Variants in YARS1 observed in about 807,000 individuals in gnomAD.
YARS1 encodes the protein tyrosyl-tRNA synthetase 1.
YARS1 carries 36 observed loss-of-function variants against 62.2 expected under a neutral mutation model. The ratio of observed to expected loss-of-function variants is 0.58; its 90% CI spans 0.44 to 0.76. YARS1 has a LOEUF of 0.76. YARS1 is among the 30% of genes least tolerant of loss of function. The pLI, the probability that YARS1 is intolerant of heterozygous loss-of-function variation, is 0.00. For synonymous variants in YARS1, 234 were observed against 244.9 expected (o/e 0.96, Z 0.42); for missense variants, 524 against 639.8 (o/e 0.82, Z 1.95).
Position 32,775,589 on chromosome 1 carries a change from A to G in YARS1, c.*392T>C, listed in dbSNP as rs1652827916. On this transcript the variant is annotated 3_prime_UTR_variant, in exon 13 of 13. Coordinates refer to ENST00000373477, the MANE Select transcript of YARS1 (RefSeq NM_003680.4). ...GGAGAAGCTGTAATTAGCCTAGTCCAGGTACCAGATCCCAGCTAGGGGCGC... is the reference window on the plus strand; with the variant it reads ...GGAGAAGCTGTAATTAGCCTAGTCCGGGTACCAGATCCCAGCTAGGGGCGC... 1 of 224,540 alleles carries G rather than the reference A, an allele frequency of 4.5e-6. No homozygotes were observed. The highest frequency in any genetic ancestry group is 9.0e-6 in the Non-Finnish European group (1 of 110,838). The allele number at this position is 224,540 out of a possible 1,614,324, so 13.9% of individuals were successfully genotyped here.
rs760323664 is a variant in YARS1, at chr1:32,791,189, T to C, written c.657A>G (p.Thr219=). Residue 219 remains threonine (T), a synonymous_variant, in exon 6 of 13, where the codon ACA becomes ACG. Coordinates refer to ENST00000373477, the MANE Select transcript of YARS1 (RefSeq NM_003680.4). ...HLMNPMVPGL[T]GSKMSSSEEE... ...CTTCTGAAGAGCTCATTTTGCTGCCTGTTAATCCTGGAACCATAGGATTCA... is the reference window on the plus strand; with the variant it reads ...CTTCTGAAGAGCTCATTTTGCTGCCCGTTAATCCTGGAACCATAGGATTCA... 6.2e-6 allele frequency: 10 copies of C among 1,613,982 alleles called. No homozygotes were observed. The South Asian group carries it at 6.6e-5, about 11-fold the overall frequency.
intron 3 of YARS1, among the ~76,000 whole-genome samples, chr1:32,807,670 C>T (rs144902349): frequency 6.6e-6 from 1 of 152,082 alleles, no homozygotes; most frequent in East Asian, 1.9e-4. Flanking sequence ...ATTGCCCAGG[C>T]TGGTCTGGAA....
chr1:32,791,558 T>C (rs1427638268), intron 5 of YARS1, among the ~76,000 whole-genome samples: 1 of 152,042 alleles, frequency 6.6e-6, no homozygotes, highest in African/African-American at 2.4e-5. Flanking sequence ...TCCCAGCACT[T>C]TGGGAGGCTG....
At position 32,776,393 on chromosome 1, in the gene YARS1, T is replaced by C. The variant is rs939416957; in HGVS notation, c.1477-302A>G. The stretch of plus-strand genomic sequence containing the variant: ...AACTCCTGACCTCAAGTGATCCGCC[T>C]GCCTCGGCCTCCCAAAGTGTTGGGA... On this transcript the variant is annotated intron_variant, in intron 12 of 12. Coordinates refer to ENST00000373477, the MANE Select transcript of YARS1 (RefSeq NM_003680.4). This position sits in a 1 kb window ranked among gnomAD's most constrained non-coding sequence, Gnocchi z 4.0. Among the ~76,000 whole-genome samples, 2 of 152,130 alleles carry C rather than the reference T, an allele frequency of 1.3e-5. No homozygotes were observed. The highest frequency in any genetic ancestry group is 4.8e-5 in the African/African-American group (2 of 41,454).
chr1:32,781,356 C>T (rs1653050652), intron 9 of YARS1: 1 of 599,986 alleles, frequency 1.7e-6, no homozygotes, highest in South Asian at 1.9e-5. Context: ...AATTATTAGA[C>T]TAGCGGGGAG....
intron 8 of YARS1, among the ~76,000 whole-genome samples, chr1:32,784,153 C>T (rs568518736): frequency 7.3e-5 from 11 of 151,642 alleles, no homozygotes; most frequent in Admixed American, 1.3e-4. Context: ...TACAGGCATG[C>T]GCCATCATGG....
intron 11 of YARS1, 37 bp downstream of exon 11, chr1:32,780,048 C>T (rs1465776089): frequency 6.2e-7 from 1 of 1,612,938 alleles, no homozygotes; most frequent in Admixed American, 1.7e-5. Context: ...TTCCTGGCCT[C>T]CCCAGGTCCT....
chr1:32,801,156 G>A (rs1033961063), intron 4 of YARS1, among the ~76,000 whole-genome samples: 1 of 152,166 alleles, frequency 6.6e-6, no homozygotes, highest in African/African-American at 2.4e-5. Context: ...AGGAAGCGGG[G>A]AAGGAAGACG....
At chr1:32,797,664 A>G (rs879195381) in intron 5 of YARS1, 99 bp downstream of exon 5, 7 of 1,035,104 alleles carry the variant, frequency 6.8e-6, no homozygotes, top group Non-Finnish European at 1.1e-5. Flanking sequence ...AATATTTACC[A>G]TACACTATGA....
intron 1 of YARS1, 106 bp downstream of exon 1, chr1:32,817,082 G>A (rs576657338): frequency 5.6e-6 from 8 of 1,423,290 alleles, no homozygotes; most frequent in Non-Finnish European, 7.9e-6. Context: ...CTGCGCCAGC[G>A]CCGAGTCCCC....
chr1:32,796,280 T>C (rs1344995769), intron 5 of YARS1, among the ~76,000 whole-genome samples: 2 of 152,008 alleles, frequency 1.3e-5, no homozygotes, highest in Non-Finnish European at 2.9e-5. Context: ...CAGGCAACAG[T>C]GTGAGACTCT....
In YARS1 at chr1:32,775,773, T is replaced by G. The variant is rs1652835673; in HGVS notation, c.*208A>C. 1.7e-6 allele frequency: 1 copy of G among 602,024 alleles called. No individual in the cohort carries two copies. The highest frequency in any genetic ancestry group is 1.8e-5 in the African/African-American group (1 of 54,234). 37.3% of individuals were successfully genotyped at this position (602,024 alleles called of 1,614,324 possible). A position where few individuals can be genotyped will look rare whatever the true frequency, so the allele number is the denominator to read the frequency against. ...CTCCCTGCTGTGGCCCAGCCCTTGT[T>G]AGGGGTTGGTCTCTCACTGCAGCCA... On this transcript the variant is annotated 3_prime_UTR_variant, in exon 13 of 13. Transcript: ENST00000373477.
At chr1:32,809,243 C>T (rs781586769) in intron 3 of YARS1, among the ~76,000 whole-genome samples, 7 of 151,992 alleles carry the variant, frequency 4.6e-5, no homozygotes, top group South Asian at 2.1e-4. Context: ...TATGCCACCA[C>T]GCCCAGGTAA....
At chr1:32,786,319 A>C in intron 8 of YARS1, 43 bp downstream of exon 8, 1 of 1,593,648 alleles carries the variant, frequency 6.3e-7, no homozygotes, top group Non-Finnish European at 8.6e-7. Context: ...AAAATAACAA[A>C]ATACAGATCT....
At chr1:32,816,791 G>A (rs16835176) in intron 1 of YARS1, 37,503 of 272,960 alleles carry the variant, frequency 0.14, 3,256 homozygotes, top group African/African-American at 0.23. Flanking sequence ...AAAGCTCCCA[G>A]TATAGCATCT....
At position 32,810,763 on chromosome 1, in the gene YARS1, T is replaced by C. The variant is rs1453075829; in HGVS notation, c.208A>G (p.Thr70Ala). Residue 70 changes from threonine (T) to alanine (A), a missense_variant, in exon 3 of 13, where the codon ACA (threonine) becomes GCA (alanine). Thr to Ala is a moderately conservative substitution (Grantham distance 58). Transcript: ENST00000373477. ...ADFLKAGCEV[T>A]ILFADLHAYL... The stretch of plus-strand genomic sequence containing the variant: ...GCGTGGAGGTCCGCAAACAGAATTG[T>C]TACCTGGACAAGAGATAAGGGGCCA... 5 of 1,614,158 alleles carry C rather than the reference T, an allele frequency of 3.1e-6. No individual in the cohort carries two copies. The highest frequency in any genetic ancestry group is 4.2e-6 in the Non-Finnish European group (5 of 1,180,024).
intron 4 of YARS1, 68 bp downstream of exon 4, chr1:32,806,414 A>C: frequency 6.2e-7 from 1 of 1,611,794 alleles, no homozygotes. Context: ...AGCAAAGTGC[A>C]ATAAGATATG....
intron 4 of YARS1, among the ~76,000 whole-genome samples, chr1:32,801,199 A>C (rs1638281444): frequency 6.6e-6 from 1 of 152,200 alleles, no homozygotes; most frequent in Admixed American, 6.5e-5. Context: ...AGGTTGGAGA[A>C]GGAATAGAAA....
At chr1:32,784,357 G>A (rs920951132) in intron 8 of YARS1, among the ~76,000 whole-genome samples, 3 of 151,954 alleles carry the variant, frequency 2.0e-5, no homozygotes, top group African/African-American at 7.3e-5. Context: ...GGTTGGACCT[G>A]AATTCAGAGT....
Sources: gnomAD v4.1 joint callset for allele counts (sites outside exome capture counted in the v4.1 genomes callset) on GRCh38, gnomAD v4.1.1 for gene constraint, Gnocchi (gnomAD v3.1) non-coding constraint, MANE v1.5 for transcripts, NCBI Gene and HGNC (gene_info 2026-07-23, HGNC 2026-07-21) for gene names.